Variants in HOMER1 observed in about 807,000 individuals in gnomAD.
HOMER1 encodes homer protein homolog 1.
Under a neutral mutation model 48.9 loss-of-function variants are expected in HOMER1, and 3 were observed. The observed-to-expected ratio is 0.06, with a 90% CI of 0.03 to 0.16. The LOEUF (loss-of-function observed/expected upper bound fraction) is 0.16, where lower values mean the gene tolerates loss of function less well. Ranked by LOEUF, HOMER1 falls within the 10% of genes least tolerant of loss-of-function variation. The pLI is 1.00. For missense variants in HOMER1, 247 were observed against 411.4 expected (o/e 0.60, Z 3.46); for synonymous variants, 134 against 146.4 (o/e 0.92, Z 0.61).
rs570429659 is a variant in HOMER1, at chr5:79,492,016, T to C, written c.5+20754A>G. Among the ~76,000 whole-genome samples the C allele has an allele frequency of 2.1e-3, 324 of 152,320 alleles. 1 individual carries two copies. Among genetic ancestry groups the C allele is most frequent in the Non-Finnish European group, 1.9e-3 (127 of 68,020 alleles). ...GCTAAGTTGTTCTGCCTGTACTGTA[T>C]TGTGCTACACTTTACCATAGTTACA... On this transcript the variant is annotated intron_variant, in intron 1 of 8. Transcript: ENST00000334082.
At chr5:79,503,916 T>C (rs984143797) in intron 1 of HOMER1, among the ~76,000 whole-genome samples, 1 of 152,210 alleles carries the variant, frequency 6.6e-6, no homozygotes, top group Non-Finnish European at 1.5e-5. Flanking sequence ...TGCATTTAAG[T>C]GAACCTACAC....
At chr5:79,380,333 T>G (rs1748935057) in intron 8 of HOMER1, among the ~76,000 whole-genome samples, 1 of 152,136 alleles carries the variant, frequency 6.6e-6, no homozygotes, top group Non-Finnish European at 1.5e-5. Flanking sequence ...AGGCCCCATT[T>G]TAGAGCCCCA....
intron 1 of HOMER1, among the ~76,000 whole-genome samples, chr5:79,463,676 GA>G (rs1309773509): frequency 6.6e-6 from 1 of 152,170 alleles, no homozygotes; most frequent in Non-Finnish European, 1.5e-5. Context: ...TGGCAGTTCA[GA>G]ACTATACAAG....
intron 5 of HOMER1, among the ~76,000 whole-genome samples, chr5:79,420,288 G>C (rs962160352): frequency 5.3e-5 from 8 of 152,076 alleles, no homozygotes; most frequent in African/African-American, 1.9e-4. Flanking sequence ...AGTCTTTATA[G>C]ATTCTTTCCA....
intron 5 of HOMER1, among the ~76,000 whole-genome samples, chr5:79,437,581 A>G (rs2112273497): frequency 6.6e-6 from 1 of 152,346 alleles, no homozygotes; most frequent in South Asian, 2.1e-4. Flanking sequence ...CTACTGTTTT[A>G]TGTAAAATTA....
intron 8 of HOMER1, among the ~76,000 whole-genome samples, chr5:79,396,511 T>G (rs866726023): frequency 1.3e-5 from 2 of 152,068 alleles, no homozygotes; most frequent in South Asian, 2.1e-4. Context: ...CATCCCAAAG[T>G]GCTGAAATTA....
At chr5:79,439,605 CAA>C (rs1388750491) in intron 4 of HOMER1, among the ~76,000 whole-genome samples, 1 of 151,780 alleles carries the variant, frequency 6.6e-6, no homozygotes, top group East Asian at 1.9e-4. Context: ...AGGGGGAGGG[CAA>C]AGGGGTGAAT....
At chr5:79,376,303 TC>T in intron 8 of HOMER1, 106 bp from the exon 9 acceptor site, 1 of 790,346 alleles carries the variant, frequency 1.3e-6, no homozygotes, top group Admixed American at 2.6e-5. Flanking sequence ...AGTTTGACTG[TC>T]AGGATGAGCT....
chr5:79,407,660 GAA>G (rs1749701446), intron 5 of HOMER1, among the ~76,000 whole-genome samples: 1 of 151,986 alleles, frequency 6.6e-6, no homozygotes, highest in African/African-American at 2.4e-5. Context: ...AGAGAAAAAA[GAA>G]AAAGAGTTTC....
chr5:79,377,282 A>T (rs937447568), intron 8 of HOMER1, among the ~76,000 whole-genome samples: 1 of 152,224 alleles, frequency 6.6e-6, no homozygotes, highest in African/African-American at 2.4e-5. Context: ...TGCTTTTAAA[A>T]TTGTCTCTAA....
chr5:79,424,326 G>C (rs748076910), intron 5 of HOMER1, among the ~76,000 whole-genome samples: 21 of 151,644 alleles, frequency 1.4e-4, no homozygotes, highest in Non-Finnish European at 2.8e-4. Context: ...TAAATAAAGG[G>C]GGAAACCAGA....
chr5:79,473,607 ATCTT>A (rs1751680175), intron 1 of HOMER1, among the ~76,000 whole-genome samples: 1 of 152,204 alleles, frequency 6.6e-6, no homozygotes, highest in African/African-American at 2.4e-5. Flanking sequence ...CTACTCTTAA[ATCTT>A]TCTTAATCAA....
At chr5:79,507,623 T>A (rs1480373505) in intron 1 of HOMER1, among the ~76,000 whole-genome samples, 1 of 152,118 alleles carries the variant, frequency 6.6e-6, no homozygotes, top group Non-Finnish European at 1.5e-5. Context: ...GCACTCATTT[T>A]CCCTACTCTT....
At chr5:79,404,501 T>C (rs1749612661) in intron 5 of HOMER1, among the ~76,000 whole-genome samples, 1 of 152,200 alleles carries the variant, frequency 6.6e-6, no homozygotes, top group African/African-American at 2.4e-5. Flanking sequence ...ATCCAAATAT[T>C]AGCATGTGGC....
intron 5 of HOMER1, among the ~76,000 whole-genome samples, chr5:79,426,190 C>A (rs995609661): frequency 2.0e-5 from 3 of 151,986 alleles, no homozygotes; most frequent in Non-Finnish European, 2.9e-5. Flanking sequence ...TATATTAGTA[C>A]AGCCACTATG....
intron 5 of HOMER1, among the ~76,000 whole-genome samples, chr5:79,425,954 T>C (rs1283416546): frequency 6.6e-6 from 1 of 151,942 alleles, no homozygotes; most frequent in African/African-American, 2.4e-5. Context: ...AATAGCCTTA[T>C]GTTACAGACA....
chr5:79,501,715 T>C (rs1268491014), intron 1 of HOMER1, among the ~76,000 whole-genome samples: 4 of 152,194 alleles, frequency 2.6e-5, no homozygotes, highest in Non-Finnish European at 5.9e-5. Context: ...CCTGCTCTAA[T>C]GGTAAGAGCC....
intron 8 of HOMER1, among the ~76,000 whole-genome samples, chr5:79,382,573 T>C (rs1035432933): frequency 6.6e-6 from 1 of 152,110 alleles, no homozygotes; most frequent in Non-Finnish European, 1.5e-5. Flanking sequence ...TTATCCTTTG[T>C]AAATGAAGGA....
chr5:79,512,178 T>C (rs903177012), intron 1 of HOMER1, among the ~76,000 whole-genome samples: 1 of 152,168 alleles, frequency 6.6e-6, no homozygotes, highest in East Asian at 1.9e-4. Flanking sequence ...AAAAGCTTTT[T>C]CCTACGAAAT....
Sources: gnomAD v4.1 joint callset for allele counts (sites outside exome capture counted in the v4.1 genomes callset) on GRCh38, gnomAD v4.1.1 for gene constraint, MANE v1.5 for transcripts, NCBI Gene and HGNC (gene_info 2026-07-23, HGNC 2026-07-21) for gene names.